NR3C2: variants seen among roughly 807,000 people sequenced by gnomAD.
The protein encoded by NR3C2 is nuclear receptor subfamily 3 group C member 2.
In NR3C2, 15 loss-of-function variants were observed where a neutral mutation model predicts 86.4. That is an observed-to-expected ratio of 0.17 (90% CI 0.12 to 0.27). The LOEUF is 0.27. NR3C2 is among the 10% of genes least tolerant of loss of function. The probability of loss-of-function intolerance (pLI) is 1.00; values close to 1 mark genes in which losing one functional copy is unlikely to be tolerated. For synonymous variants in NR3C2, 458 were observed against 450.5 expected (o/e 1.02, Z -0.21); for missense variants, 960 against 1,195.6 (o/e 0.80, Z 2.91).
intron 8 of NR3C2, among the ~76,000 whole-genome samples, chr4:148,104,418 C>T (rs2293162): frequency 0.096 from 13,709 of 142,948 alleles, 847 homozygotes; most frequent in African/African-American, 0.17. Flanking sequence ...GGCTTTGCTA[C>T]CAGTTAGCTG....
intron 4 of NR3C2, among the ~76,000 whole-genome samples, chr4:148,158,466 C>T (rs1373262124): frequency 6.6e-6 from 1 of 152,180 alleles, no homozygotes; most frequent in Non-Finnish European, 1.5e-5. Context: ...CAAATAAAAA[C>T]ATGTTGGAAA....
chr4:148,355,451 C>A (rs1277838484), intron 2 of NR3C2, among the ~76,000 whole-genome samples: 3 of 152,190 alleles, frequency 2.0e-5, no homozygotes, highest in Non-Finnish European at 4.4e-5. Flanking sequence ...GAACCCTCTA[C>A]CCCACTCCCA....
intron 3 of NR3C2, among the ~76,000 whole-genome samples, chr4:148,230,578 A>G (rs1393491790): frequency 2.6e-5 from 4 of 152,210 alleles, no homozygotes; most frequent in Non-Finnish European, 5.9e-5. Flanking sequence ...CAATTATGTG[A>G]GCCAGTAATA....
At chr4:148,415,292 GA>G (rs1196483462) in intron 2 of NR3C2, among the ~76,000 whole-genome samples, 5 of 152,210 alleles carry the variant, frequency 3.3e-5, no homozygotes, top group Non-Finnish European at 5.9e-5. Context: ...GATGGAGCAG[GA>G]GGAAAGATCA....
chr4:148,443,291 G>T (rs894050967), upstream of NR3C2, among the ~76,000 whole-genome samples: 1 of 145,114 alleles, frequency 6.9e-6, no homozygotes, highest in Non-Finnish European at 1.5e-5. Context: ...AAGTGGCAGG[G>T]TCAAGAGCTG....
intron 2 of NR3C2, among the ~76,000 whole-genome samples, chr4:148,317,514 CA>C (rs1478218103): frequency 3.3e-5 from 5 of 151,762 alleles, no homozygotes; most frequent in Non-Finnish European, 5.9e-5. Context: ...CTATTTTGAA[CA>C]ACTTATAAAA....
chr4:148,313,973 CATTT>C (rs1743035096), intron 2 of NR3C2, among the ~76,000 whole-genome samples: 1 of 152,156 alleles, frequency 6.6e-6, no homozygotes, highest in Non-Finnish European at 1.5e-5. Context: ...GGAAGGGTCT[CATTT>C]ATAGAAGCTG....
chr4:148,393,516 G>C (rs1579245201), intron 2 of NR3C2, among the ~76,000 whole-genome samples: 1 of 152,162 alleles, frequency 6.6e-6, no homozygotes, highest in East Asian at 1.9e-4. Flanking sequence ...TGGGGATCTT[G>C]CCCAAGTGAA....
chr4:148,218,832 G>A (rs1318142761), intron 3 of NR3C2, among the ~76,000 whole-genome samples: 1 of 152,198 alleles, frequency 6.6e-6, no homozygotes, highest in East Asian at 1.9e-4. Context: ...ATGTTGCAGT[G>A]CGTGCTGAAC....
chr4:148,284,868 G>A, intron 2 of NR3C2, among the ~76,000 whole-genome samples: 1 of 152,108 alleles, frequency 6.6e-6, no homozygotes. Flanking sequence ...ATTTTACTCA[G>A]TCCTACAAAA....
intron 4 of NR3C2, 33 bp downstream of exon 4, chr4:148,194,713 C>A: frequency 6.9e-7 from 1 of 1,451,414 alleles, no homozygotes; most frequent in Non-Finnish European, 9.6e-7. Flanking sequence ...TACCTATTAA[C>A]AATTTTTATT....
At chr4:148,418,069 T>C (rs2126594447) in intron 2 of NR3C2, among the ~76,000 whole-genome samples, 1 of 152,286 alleles carries the variant, frequency 6.6e-6, no homozygotes, top group East Asian at 1.9e-4. Flanking sequence ...AATGACATAC[T>C]GTTAAAACAG....
At chr4:148,372,647 A>G (rs377540946) in intron 2 of NR3C2, among the ~76,000 whole-genome samples, 1 of 152,226 alleles carries the variant, frequency 6.6e-6, no homozygotes, top group African/African-American at 2.4e-5. Context: ...TTGTTTCCAA[A>G]TGGAAGGCAC....
intron 3 of NR3C2, among the ~76,000 whole-genome samples, chr4:148,237,789 T>C (rs1338287432): frequency 6.6e-6 from 1 of 152,114 alleles, no homozygotes; most frequent in African/African-American, 2.4e-5. Context: ...TAGAATTTCC[T>C]TCTCAGAAAC....
At chr4:148,363,506 C>CTTTTTTTTTTTTTTTTT (rs58978966) in intron 2 of NR3C2, among the ~76,000 whole-genome samples, 5 of 110,772 alleles carry the variant, frequency 4.5e-5, no homozygotes, top group East Asian at 2.6e-4. Context: ...TCATAGATCT[C>CTTTTTTTTTTTTTTTTT]TTTTTTTTTT....
At chr4:148,099,176 G>T (rs902106687) in intron 8 of NR3C2, among the ~76,000 whole-genome samples, 4 of 152,192 alleles carry the variant, frequency 2.6e-5, no homozygotes, top group African/African-American at 9.6e-5. Context: ...TGCGTAATTG[G>T]TGGGGCCCTG....
chr4:148,396,615 GATGTTTTTC>G (rs1747873791), intron 2 of NR3C2, among the ~76,000 whole-genome samples: 1 of 152,142 alleles, frequency 6.6e-6, no homozygotes, highest in Non-Finnish European at 1.5e-5. Flanking sequence ...CATGACTTGG[GATGTTTTTC>G]AACCTGAATA....
intron 8 of NR3C2, among the ~76,000 whole-genome samples, chr4:148,088,367 A>G (rs541563137): frequency 1.3e-5 from 2 of 152,364 alleles, no homozygotes; most frequent in South Asian, 4.1e-4. Flanking sequence ...ATTACTGGGT[A>G]TATACCCAAA....
intron 2 of NR3C2, among the ~76,000 whole-genome samples, chr4:148,391,084 C>T (rs1747523732): frequency 2.0e-5 from 3 of 152,024 alleles, no homozygotes; most frequent in Admixed American, 2.0e-4. Flanking sequence ...ATATGCTTTC[C>T]CATAGAGGAA....
Sources: allele counts gnomAD v4.1 joint callset (sites outside exome capture counted in the v4.1 genomes callset), GRCh38; gene constraint gnomAD v4.1.1; transcripts MANE v1.5; gene names NCBI Gene and HGNC (gene_info 2026-07-23, HGNC 2026-07-21).